The following DOCK6 variants were observed in gnomAD, a reference collection of about 807,000 sequenced individuals.
DOCK6 encodes dedicator of cytokinesis 6.
DOCK6 carries 167 observed loss-of-function variants against 230.3 expected under a neutral mutation model. The observed-to-expected ratio is 0.73, with a 90% CI of 0.64 to 0.82. DOCK6 has a LOEUF of 0.82. DOCK6 is among the 40% of genes least tolerant of loss of function. The pLI, the probability that DOCK6 is intolerant of heterozygous loss-of-function variation, is 0.00. For synonymous variants in DOCK6, 1,148 were observed against 1,185.0 expected (o/e 0.97, Z 0.64); for missense variants, 2,598 against 2,825.8 (o/e 0.92, Z 1.83).
intron 28 of DOCK6, chr19:11,221,462 A>T (rs1390156768): frequency 5.2e-6 from 1 of 191,424 alleles, no homozygotes; most frequent in African/African-American, 2.3e-5. Flanking sequence ...CAATGCCTAT[A>T]AATGTTTGTT....
intron 20 of DOCK6, 88 bp from the exon 21 acceptor site, chr19:11,235,847 A>T: frequency 1.2e-5 from 17 of 1,373,116 alleles, no homozygotes; most frequent in Non-Finnish European, 1.6e-5. Context: ...TCAGGATTTG[A>T]GGGATCATGT....
intron 1 of DOCK6, 75 bp downstream of exon 1, chr19:11,262,322 G>A (rs2080304234): frequency 9.7e-7 from 1 of 1,028,178 alleles, no homozygotes; most frequent in South Asian, 4.3e-5. Flanking sequence ...GCGCCCGGGC[G>A]GGGAGGGTCG....
At position 11,212,002 on chromosome 19, in the gene DOCK6, G is replaced by T. The variant is rs750904031; in HGVS notation, c.4641C>A (p.Phe1547Leu). 67 of 1,604,816 alleles carry T rather than the reference G, an allele frequency of 4.2e-5. No individual in the cohort carries two copies. Among genetic ancestry groups the T allele is most frequent in the Non-Finnish European group, 5.7e-5 (67 of 1,175,830 alleles). ...EEDMGLRDST[F>L]AEQVQDLMFN... ...ACCCAGCAGGTGTCACCTGCTCTGC[G>T]AAGGTGCTGTCCCGCAGCCCCATGT... The change falls in exon 36 of 48, where the codon TTC becomes TTA. Residue 1547 changes from phenylalanine to leucine, a missense_variant. Transcript: ENST00000294618.
chr19:11,213,981 C>T (rs2079436587), intron 34 of DOCK6, among the ~76,000 whole-genome samples: 1 of 151,830 alleles, frequency 6.6e-6, no homozygotes, highest in African/African-American at 2.4e-5. Flanking sequence ...TGGGGTCTCA[C>T]CGTGTTGCCC....
At chr19:11,215,584 T>C in intron 31 of DOCK6, 113 bp from the exon 32 acceptor site, 1 of 1,311,966 alleles carries the variant, frequency 7.6e-7, no homozygotes. Flanking sequence ...ATGAGGGCAC[T>C]GGGTGGAGCA....
chr19:11,237,757 A>T lies in DOCK6; in HGVS notation c.1855T>A (p.Phe619Ile). The change falls in exon 17 of 48, where the codon TTC (phenylalanine) becomes ATC (isoleucine). Residue 619 changes from phenylalanine (F) to isoleucine (I), a missense_variant. Physicochemically the swap from Phe to Ile is conservative, Grantham distance 21. Coordinates refer to ENST00000294618, the MANE Select transcript of DOCK6 (RefSeq NM_020812.4). ...ACGCAGGCTGGAAGATGCAGCTTGA[A>T]CTCCTCGTAGAACTCGGGGGACCTG... is the stretch of plus-strand genomic sequence containing the variant. ...HNKSPEFYEE[F>I]KLHLPACVTE... is the part of the protein sequence containing the mutation. 1.3e-6 allele frequency: 2 copies of T among 1,566,528 alleles called. No individual in the cohort carries two copies. Among genetic ancestry groups the T allele is most frequent in the Non-Finnish European group, 1.7e-6 (2 of 1,157,644 alleles).
At position 11,200,892 on chromosome 19, in the gene DOCK6, C is replaced by T. The variant is rs761694745; in HGVS notation, c.5832+17G>A. On this transcript the variant is annotated intron_variant, in intron 45 of 47. Coordinates refer to ENST00000294618, the MANE Select transcript of DOCK6 (RefSeq NM_020812.4). The surrounding 1 kb of genome is among the most constrained non-coding windows in gnomAD (Gnocchi z 4.3). The stretch of plus-strand genomic sequence containing the variant: ...GAGTCCCCCGTGCGGCTTGCATCCC[C>T]CTTCCACCAGCCGTGCCTGGTTCAC... 3 of 1,613,760 alleles carry T rather than the reference C, an allele frequency of 1.9e-6. No individual in the cohort carries two copies. The highest frequency in any genetic ancestry group is 2.5e-6 in the Non-Finnish European group (3 of 1,179,854).
At position 11,212,184 on chromosome 19, in the gene DOCK6, G is replaced by T. The variant is rs563247393; in HGVS notation, c.4492-33C>A. The stretch of plus-strand genomic sequence containing the variant: ...GACAGGGGCGGGAGGGTGGAGCCGG[G>T]AGTCTCAGACCCCAGACCCCACATC... On this transcript the variant is annotated intron_variant, in intron 35 of 47. Coordinates refer to ENST00000294618, the MANE Select transcript of DOCK6 (RefSeq NM_020812.4). 5.0e-6 allele frequency: 8 copies of T among 1,592,692 alleles called. No homozygotes were observed. In the African/African-American group the frequency reaches 9.4e-5, roughly 19 times the overall value.
chr19:11,254,681 C>T (rs1225251139), intron 1 of DOCK6, among the ~76,000 whole-genome samples: 1 of 144,230 alleles, frequency 6.9e-6, no homozygotes, highest in Non-Finnish European at 1.5e-5. Flanking sequence ...GACTTTGTCT[C>T]GAAAAAAAAA....
In DOCK6 at chr19:11,250,971, T is replaced by A. The variant is rs749843506; in HGVS notation, c.623A>T (p.Glu208Val). The change falls in exon 6 of 48, where the codon GAG (glutamate) becomes GTG (valine). Residue 208 changes from glutamate (E) to valine (V), a missense_variant. Glu to Val is a moderately radical substitution (Grantham distance 121, BLOSUM62 -2). Transcript: ENST00000294618. Reference sequence around the variant, plus strand: ...GTCCACATCTTCTGGGGCCGCCCGCTCTAGCAGAGAGGGCAGCAATGAGTC... The same window carrying A: ...GTCCACATCTTCTGGGGCCGCCCGCACTAGCAGAGAGGGCAGCAATGAGTC... Reference protein sequence around the residue: ...AADSLLPSLLERAAPEDVDRR... With the variant: ...AADSLLPSLLVRAAPEDVDRR... 2 of 1,613,806 alleles carry A rather than the reference T, an allele frequency of 1.2e-6. No individual in the cohort carries two copies. Among genetic ancestry groups the A allele is most frequent in the Non-Finnish European group, 1.7e-6 (2 of 1,179,844 alleles).
chr19:11,242,027 G>A lies in DOCK6; in HGVS notation c.1643+18C>T. On this transcript the variant is annotated intron_variant, in intron 14 of 47. Coordinates refer to ENST00000294618, the MANE Select transcript of DOCK6 (RefSeq NM_020812.4). Reference sequence around the variant, plus strand: ...ATACCTCCCATTCAAGTGCCCAGCTGGGCCCCAGAGGCCGTACCTGTAGCT... The same window carrying A: ...ATACCTCCCATTCAAGTGCCCAGCTAGGCCCCAGAGGCCGTACCTGTAGCT... 1 of 1,562,444 alleles carries A rather than the reference G, an allele frequency of 6.4e-7. No individual in the cohort carries two copies. Among genetic ancestry groups the A allele is most frequent in the Non-Finnish European group, 8.6e-7 (1 of 1,163,332 alleles).
At chr19:11,261,924 G>C (rs1265273039) in intron 1 of DOCK6, among the ~76,000 whole-genome samples, 1 of 152,020 alleles carries the variant, frequency 6.6e-6, no homozygotes, top group Admixed American at 6.6e-5. Context: ...ACGCCACCAA[G>C]GAGCCCATCT....
In DOCK6 at chr19:11,216,108, A is replaced by C. The variant is rs1440219198; in HGVS notation, c.3895-181T>G. The C allele has an allele frequency of 1.0e-5, 6 of 586,940 alleles. No individual in the cohort carries two copies. The Admixed American group carries it at 1.0e-4, about 10-fold the overall frequency. The allele number at this position is 586,940 out of a possible 1,614,324, so 36.4% of individuals were successfully genotyped here. On this transcript the variant is annotated intron_variant, in intron 30 of 47. Coordinates refer to ENST00000294618, the MANE Select transcript of DOCK6 (RefSeq NM_020812.4). Reference sequence around the variant, plus strand: ...AAAAAAAATTTTTTTTTTTTCTTGAAACAGAGTCTCTCTCATTCTGTCGCC... The same window carrying C: ...AAAAAAAATTTTTTTTTTTTCTTGACACAGAGTCTCTCTCATTCTGTCGCC...
chr19:11,214,526 C>T, intron 33 of DOCK6, 27 bp downstream of exon 33: 1 of 1,613,780 alleles, frequency 6.2e-7, no homozygotes, highest in African/African-American at 1.3e-5. Context: ...GCTCAGAGCA[C>T]AAGGCAGATG....
At position 11,202,340 on chromosome 19, in the gene DOCK6, G is replaced by A; in HGVS notation, c.5451+54C>T. ...AGGATTTGAGGGTCCCCAGGAAACA[G>A]CACTTGGAGTCTCTGTGAATCTAAG... On this transcript the variant is annotated intron_variant, in intron 43 of 47. Coordinates refer to ENST00000294618, the MANE Select transcript of DOCK6 (RefSeq NM_020812.4). This position sits in a 1 kb window ranked among gnomAD's most constrained non-coding sequence, Gnocchi z 5.3. The A allele has an allele frequency of 6.3e-7, 1 of 1,579,132 alleles. No homozygotes were observed. Among genetic ancestry groups the A allele is most frequent in the South Asian group, 1.1e-5 (1 of 87,856 alleles).
intron 28 of DOCK6, among the ~76,000 whole-genome samples, chr19:11,220,481 CT>C (rs1263679816): frequency 1.3e-5 from 2 of 152,182 alleles, no homozygotes; most frequent in African/African-American, 2.4e-5. Flanking sequence ...GGTGATCAGC[CT>C]GTTATCCTAT....
At chr19:11,221,665 C>T in intron 28 of DOCK6, 186 bp downstream of exon 28, 2 of 775,206 alleles carry the variant, frequency 2.6e-6, no homozygotes, top group Non-Finnish European at 4.1e-6. Context: ...GTCTCCATTA[C>T]AGGGGAGAAA....
Position 11,236,705 on chromosome 19 carries a change from C to G in DOCK6, c.2160+88G>C, listed in dbSNP as rs563427912. 1.3e-6 allele frequency: 2 copies of G among 1,522,158 alleles called. No homozygotes were observed. Among genetic ancestry groups the G allele is most frequent in the South Asian group, 2.4e-5 (2 of 83,236 alleles). The allele number at this position is 1,522,158 out of a possible 1,614,324, so 94.3% of individuals were successfully genotyped here. Reference sequence around the variant, plus strand: ...TCACGTCCAAGGCCTGAGGCCAGACCTCCCCGGCCATCGGCAACTGTTACT... The same window carrying G: ...TCACGTCCAAGGCCTGAGGCCAGACGTCCCCGGCCATCGGCAACTGTTACT... On this transcript the variant is annotated intron_variant, in intron 19 of 47. Coordinates refer to ENST00000294618, the MANE Select transcript of DOCK6 (RefSeq NM_020812.4). This position sits in a 1 kb window ranked among gnomAD's most constrained non-coding sequence, Gnocchi z 5.2.
Position 11,215,391 on chromosome 19 carries a change from C to T in DOCK6, c.4102G>A (p.Asp1368Asn), listed in dbSNP as rs1157357395. Residue 1368 changes from aspartate (D) to asparagine (N), a missense_variant, in exon 32 of 48, where the codon GAC becomes AAC. Coordinates refer to ENST00000294618, the MANE Select transcript of DOCK6 (RefSeq NM_020812.4). ...THWKQTSDRV[D>N]KTKDEMEHEA... ...CACCCTCCTGCCCACACCTACTTGT[C>T]CACGCGGTCTGAGGTTTGCTTCCAG... 2.5e-6 allele frequency: 4 copies of T among 1,613,644 alleles called. No homozygotes were observed. Among genetic ancestry groups the T allele is most frequent in the Admixed American group, 1.7e-5 (1 of 60,012 alleles).
Sources: gnomAD v4.1 joint callset for allele counts (sites outside exome capture counted in the v4.1 genomes callset) on GRCh38, gnomAD v4.1.1 for gene constraint, Gnocchi (gnomAD v3.1) non-coding constraint, MANE v1.5 for transcripts, NCBI Gene and HGNC (gene_info 2026-07-23, HGNC 2026-07-21) for gene names.